Variants in PLEKHA5 observed in about 807,000 individuals in gnomAD.
PLEKHA5 encodes the protein pleckstrin homology domain containing A5.
Under a neutral mutation model 181.9 loss-of-function variants are expected in PLEKHA5, and 55 were observed. That is an observed-to-expected ratio of 0.30 (90% CI 0.24 to 0.38). The LOEUF is 0.38. PLEKHA5 is among the 10% of genes least tolerant of loss of function. The pLI, the probability that PLEKHA5 is intolerant of heterozygous loss-of-function variation, is 1.00. For missense variants in PLEKHA5, 1,432 were observed against 1,549.5 expected, an observed-to-expected ratio of 0.92 and a Z score of 1.27; for synonymous variants, 535 against 529.4, an observed-to-expected ratio of 1.01 and a Z score of -0.15.
At chr12:19,132,923 C>T (rs1591759589) in intron 3 of PLEKHA5, among the ~76,000 whole-genome samples, 1 of 118,260 alleles carries the variant, frequency 8.5e-6, no homozygotes, top group Non-Finnish European at 1.8e-5. Context: ...ACGTGAACAT[C>T]TTTTTTTTTT....
chr12:19,167,904 A>G (rs1181788067), intron 3 of PLEKHA5, among the ~76,000 whole-genome samples: 1 of 152,128 alleles, frequency 6.6e-6, no homozygotes, highest in Non-Finnish European at 1.5e-5. Flanking sequence ...TCAGCCTTCC[A>G]TAAGTCACCC....
At chr12:19,245,652 C>T (rs755912257) in intron 3 of PLEKHA5, among the ~76,000 whole-genome samples, 4 of 143,842 alleles carry the variant, frequency 2.8e-5, no homozygotes, top group Middle Eastern at 3.5e-3. Flanking sequence ...AGCTTGAACC[C>T]GGAGACAGAG....
At chr12:19,152,826 C>T (rs1321794283) in intron 3 of PLEKHA5, 1 of 151,994 alleles carries the variant, frequency 6.6e-6, no homozygotes, top group Non-Finnish European at 1.5e-5. Context: ...TTGTAAAGTA[C>T]ATGCATTTGA....
intron 30 of PLEKHA5, among the ~76,000 whole-genome samples, chr12:19,368,094 TATTTA>T (rs2153284873): frequency 6.6e-6 from 1 of 152,190 alleles, no homozygotes; most frequent in African/African-American, 2.4e-5. Flanking sequence ...AAATAAACTT[TATTTA>T]ATTTACTTAT....
rs931857373 is a variant in PLEKHA5, at chr12:19,336,725, A to G, written c.2550+109A>G. The stretch of plus-strand genomic sequence containing the variant: ...CATAACAGTTTTTACATTATTGGCT[A>G]CCTGAGACCTGGATTTGAATACTTT... On this transcript the variant is annotated intron_variant, in intron 21 of 31. Coordinates refer to ENST00000429027, the MANE Select transcript of PLEKHA5 (RefSeq NM_001256470.2). 2.1e-5 allele frequency: 13 copies of G among 620,346 alleles called. No individual in the cohort carries two copies. In the Admixed American group the frequency reaches 3.2e-4, roughly 15 times the overall value. The allele number at this position is 620,346 out of a possible 1,614,324, so 38.4% of individuals were successfully genotyped here. A position where few individuals can be genotyped will look rare whatever the true frequency, so the allele number is the denominator to read the frequency against.
chr12:19,307,831 GACA>G (rs1788137457), intron 15 of PLEKHA5, among the ~76,000 whole-genome samples: 1 of 151,336 alleles, frequency 6.6e-6, no homozygotes, highest in Non-Finnish European at 1.5e-5. Flanking sequence ...CAAACAGAGA[GACA>G]ACAACGAAGA....
chr12:19,327,248 T>TG (rs1332668969), intron 20 of PLEKHA5, among the ~76,000 whole-genome samples: 1 of 16,360 alleles, frequency 6.1e-5, no homozygotes, highest in Non-Finnish European at 9.7e-4. Flanking sequence ...TCTGTTTTTG[T>TG]TTTTTTTTTT....
chr12:19,375,254 G>A (rs371651173), intron 31 of PLEKHA5, among the ~76,000 whole-genome samples: 91 of 152,170 alleles, frequency 6.0e-4, no homozygotes, highest in African/African-American at 1.6e-3. Flanking sequence ...AACCCAGGAC[G>A]CAGAGGTTGC....
intron 2 of PLEKHA5, among the ~76,000 whole-genome samples, chr12:19,131,041 G>C (rs1410412510): frequency 3.3e-5 from 5 of 152,228 alleles, no homozygotes. Flanking sequence ...TTCTGTACTG[G>C]TCTGGGTTTC....
At position 19,367,750 on chromosome 12, in the gene PLEKHA5, T is replaced by A. The variant is rs1255273518; in HGVS notation, c.3754+1641T>A. ...GTCCGTCACCACGCCTGGCTAATTT[T>A]TTGTATTTTTTTTTTTTTTAGTAGA... On this transcript the variant is annotated intron_variant, in intron 30 of 31. Transcript: ENST00000429027. Among the ~76,000 whole-genome samples, 3 of 150,994 alleles carry A rather than the reference T, an allele frequency of 2.0e-5. No homozygotes were observed. The South Asian group carries it at 6.2e-4, about 31-fold the overall frequency.
intron 6 of PLEKHA5, among the ~76,000 whole-genome samples, chr12:19,259,353 C>A (rs1346519898): frequency 2.6e-5 from 4 of 151,260 alleles, no homozygotes; most frequent in Non-Finnish European, 1.5e-5. Context: ...GGTGACAGAG[C>A]AAGACCCTGT....
intron 31 of PLEKHA5, chr12:19,371,547 T>G (rs1201817897): frequency 5.9e-6 from 1 of 169,834 alleles, no homozygotes; most frequent in Non-Finnish European, 1.2e-5. Flanking sequence ...AACTTATAAG[T>G]GAGAACATAT....
chr12:19,325,296 T>C (rs1282226072), intron 20 of PLEKHA5, among the ~76,000 whole-genome samples: 1 of 151,804 alleles, frequency 6.6e-6, no homozygotes. Flanking sequence ...GAGACTGAGG[T>C]GGGAGGATCT....
intron 23 of PLEKHA5, among the ~76,000 whole-genome samples, chr12:19,346,509 G>A (rs2094341730): frequency 6.6e-6 from 1 of 151,972 alleles, no homozygotes; most frequent in African/African-American, 2.4e-5. Flanking sequence ...GGCATGGTGT[G>A]CCTGTGGTCC....
chr12:19,283,417 C>G lies in PLEKHA5; in HGVS notation c.1451C>G (p.Ser484Cys), dbSNP rs924397614. Residue 484 changes from serine to cysteine, a missense_variant, in exon 12 of 32, where the codon TCC (serine) becomes TGC (cysteine). This residue lies in a region of PLEKHA5 where 1,143 missense variants were observed against 1,168.4 expected (regional missense o/e 0.98). Transcript: ENST00000429027. ...GAAAGTATCTGCAGTGTAACCCCTTCCACTCATGACAAGACATTAGGACCC... is the reference window on the plus strand; with the variant it reads ...GAAAGTATCTGCAGTGTAACCCCTTGCACTCATGACAAGACATTAGGACCC... ...RPESICSVTP[S>C]THDKTLGPGA... The G allele has an allele frequency of 6.2e-7, 1 of 1,613,976 alleles. No individual in the cohort carries two copies. Among genetic ancestry groups the G allele is most frequent in the Non-Finnish European group, 8.5e-7 (1 of 1,179,924 alleles).
intron 20 of PLEKHA5, among the ~76,000 whole-genome samples, chr12:19,330,237 G>A (rs2092708982): frequency 6.6e-6 from 1 of 152,098 alleles, no homozygotes; most frequent in African/African-American, 2.4e-5. Context: ...AAACATTAGA[G>A]AAGAAACTAA....
At chr12:19,316,495 G>A (rs987384310) in intron 16 of PLEKHA5, among the ~76,000 whole-genome samples, 1 of 152,076 alleles carries the variant, frequency 6.6e-6, no homozygotes, top group African/African-American at 2.4e-5. Flanking sequence ...AATACCGAAA[G>A]AGCAATAGAT....
intron 15 of PLEKHA5, among the ~76,000 whole-genome samples, chr12:19,297,514 G>T (rs1404489882): frequency 5.3e-5 from 8 of 150,486 alleles, no homozygotes; most frequent in South Asian, 2.1e-4. Flanking sequence ...CCCAGCTACT[G>T]GGGAGGCTGA....
intron 30 of PLEKHA5, among the ~76,000 whole-genome samples, chr12:19,368,681 C>T (rs1204042216): frequency 6.6e-6 from 1 of 152,126 alleles, no homozygotes; most frequent in Non-Finnish European, 1.5e-5. Flanking sequence ...ATCCCAGCTA[C>T]TCAGGAGGCT....
Sources: allele counts gnomAD v4.1 joint callset (sites outside exome capture counted in the v4.1 genomes callset), GRCh38; gene constraint gnomAD v4.1.1; regional missense constraint gnomAD v4.1.1; transcripts MANE v1.5; gene names NCBI Gene and HGNC (gene_info 2026-07-23, HGNC 2026-07-21).